Variants in HIC2 observed in about 807,000 individuals in gnomAD.
HIC2 encodes the protein HIC ZBTB transcriptional repressor 2, also known as hypermethylated in cancer 2 protein.
A neutral mutation model predicts 39.5 loss-of-function variants in HIC2; 2 were observed. The ratio of observed to expected loss-of-function variants is 0.05; its 90% CI spans 0.02 to 0.16. The LOEUF (loss-of-function observed/expected upper bound fraction) is 0.16, where lower values mean the gene tolerates loss of function less well. Among genes scored for constraint, HIC2 ranks in the 10% least tolerant of loss-of-function variants. The pLI, the probability that HIC2 is intolerant of heterozygous loss-of-function variation, is 1.00. For synonymous variants in HIC2, 399 were observed against 368.8 expected, an observed-to-expected ratio of 1.08 and a Z score of -0.94; for missense variants, 713 against 863.5, an observed-to-expected ratio of 0.83 and a Z score of 2.18.
At chr22:21,432,611 G>C (rs2148335826) in intron 1 of HIC2, among the ~76,000 whole-genome samples, 1 of 129,236 alleles carries the variant, frequency 7.7e-6, no homozygotes, top group South Asian at 2.6e-4. Flanking sequence ...GGGAGGCGGA[G>C]GTTGCGGTGA....
Position 21,446,028 on chromosome 22 carries a change from T to C in HIC2, c.1133T>C (p.Leu378Pro). ...GVGDRVPNGILASGAGPSGPY... is the reference protein window; with the variant it reads ...GVGDRVPNGIPASGAGPSGPY... ...GGGGACAGGGTTCCCAATGGCATCCTGGCTAGTGGGGCTGGCCCTAGCGGG... is the reference window on the plus strand; with the variant it reads ...GGGGACAGGGTTCCCAATGGCATCCCGGCTAGTGGGGCTGGCCCTAGCGGG... The change falls in exon 3 of 3, where the codon CTG becomes CCG. Residue 378 changes from leucine (L) to proline (P), a missense_variant. Coordinates refer to ENST00000407464, the MANE Select transcript of HIC2 (RefSeq NM_015094.3). 6.3e-7 allele frequency: 1 copy of C among 1,590,502 alleles called. No homozygotes were observed. Among genetic ancestry groups the C allele is most frequent in the East Asian group, 2.2e-5 (1 of 44,512 alleles).
rs558019593 is a variant in HIC2, at chr22:21,450,569, T to C, written c.*3826T>C. 1 of 152,992 alleles carries C rather than the reference T, an allele frequency of 6.5e-6. No homozygotes were observed. Among genetic ancestry groups the C allele is most frequent in the East Asian group, 1.9e-4 (1 of 5,260 alleles). 9.5% of individuals were successfully genotyped at this position (152,992 alleles called of 1,614,324 possible). On this transcript the variant is annotated 3_prime_UTR_variant, in exon 3 of 3. Coordinates refer to ENST00000407464, the MANE Select transcript of HIC2 (RefSeq NM_015094.3). Reference sequence around the variant, plus strand: ...GGGCAGGGCTCAGGGAGCAGGAGGCTGCATCCGTCCACCCCCAGGCGTGGG... The same window carrying C: ...GGGCAGGGCTCAGGGAGCAGGAGGCCGCATCCGTCCACCCCCAGGCGTGGG...
At position 21,445,988 on chromosome 22, in the gene HIC2, G is replaced by A. The variant is rs149799345; in HGVS notation, c.1093G>A (p.Glu365Lys). The change falls in exon 3 of 3, where the codon GAG (glutamate) becomes AAG (lysine). Residue 365 changes from glutamate to lysine, a missense_variant. Transcript: ENST00000407464. ...AGPKGPCPGE[E>K]GEGVGDRVPN... Reference sequence around the variant, plus strand: ...GCCCAAGGGTCCCTGCCCGGGAGAGGAGGGTGAGGGGGTCGGGGACAGGGT... The same window carrying A: ...GCCCAAGGGTCCCTGCCCGGGAGAGAAGGGTGAGGGGGTCGGGGACAGGGT... 2,167 of 1,564,602 alleles carry A rather than the reference G, an allele frequency of 1.4e-3. 21 individuals carry two copies. The highest frequency in any genetic ancestry group is 0.013 in the Middle Eastern group (76 of 5,802).
At position 21,445,761 on chromosome 22, in the gene HIC2, T is replaced by TTGCCAACAG. The variant is rs1172773167; in HGVS notation, c.871_879dup (p.Asn291_Ala293dup). ...CCCCCTGCGGCCTCTGCTCCTCCCG[T>TTGCCAACAG]TGCCAACAGTGCCTCTTATTCTGAG... On this transcript the variant is annotated inframe_insertion, in exon 3 of 3. Coordinates refer to ENST00000407464, the MANE Select transcript of HIC2 (RefSeq NM_015094.3). 1 of 1,609,228 alleles carries TTGCCAACAG rather than the reference T, an allele frequency of 6.2e-7. No individual in the cohort carries two copies. The highest frequency in any genetic ancestry group is 1.1e-5 in the South Asian group (1 of 90,574).
At chr22:21,425,653 A>G (rs1384059392) in intron 1 of HIC2, among the ~76,000 whole-genome samples, 25 of 67,090 alleles carry the variant, frequency 3.7e-4, no homozygotes, top group African/African-American at 8.2e-4. Flanking sequence ...CGATTCTCCT[A>G]CCCCAGCCTC....
At position 21,446,209 on chromosome 22, in the gene HIC2, G is replaced by A. The variant is rs747946463; in HGVS notation, c.1314G>A (p.Gly438=). ...RQEGYETVSY[G]DNLYVCIPCA... ...AGGGCTACGAGACGGTGTCCTACGG[G>A]GACAACTTGTATGTGTGCATTCCCT... Residue 438 remains glycine (G), a synonymous_variant, in exon 3 of 3, where the codon GGG becomes GGA. Coordinates refer to ENST00000407464, the MANE Select transcript of HIC2 (RefSeq NM_015094.3). The A allele has an allele frequency of 2.6e-5, 42 of 1,611,968 alleles. No homozygotes were observed. The highest frequency in any genetic ancestry group is 3.3e-5 in the Non-Finnish European group (39 of 1,180,018).
In HIC2 at chr22:21,445,926, C is replaced by T. The variant is rs1241899479; in HGVS notation, c.1031C>T (p.Pro344Leu). The change falls in exon 3 of 3, where the codon CCT (proline) becomes CTT (leucine). Residue 344 changes from proline to leucine, a missense_variant. Physicochemically the swap from Pro to Leu is moderately conservative, Grantham distance 98 (BLOSUM62 -3). Around this residue, in one of 5 missense-constraint regions of HIC2, gnomAD observed 457 missense variants for 420.2 expected, o/e 1.09. Transcript: ENST00000407464. ...AAGAAGGAGTGGGGCAAGAAGGAGC[C>T]TGTGGCTGGCTCCCCCTTTGAGCGG... is the stretch of plus-strand genomic sequence containing the variant. ...TRKKEWGKKE[P>L]VAGSPFERRE... 2 of 1,589,034 alleles carry T rather than the reference C, an allele frequency of 1.3e-6. No homozygotes were observed. Among genetic ancestry groups the T allele is most frequent in the Admixed American group, 1.8e-5 (1 of 54,916 alleles).
intron 1 of HIC2, among the ~76,000 whole-genome samples, chr22:21,441,266 A>AG (rs1285932926): frequency 1.1e-3 from 162 of 148,334 alleles, no homozygotes; most frequent in African/African-American, 3.6e-3. Context: ...TGGAGGGTTC[A>AG]GGGAGGAGCC....
At chr22:21,420,699 G>GTGT in intron 1 of HIC2, 1 of 19,036 alleles carries the variant, frequency 5.3e-5, no homozygotes, top group Middle Eastern at 0.012. Context: ...CTGAGGACGC[G>GTGT]GACCCACGGG....
chr22:21,418,965 G>GCCT (rs1163891003), intron 1 of HIC2, among the ~76,000 whole-genome samples: 10 of 132,316 alleles, frequency 7.6e-5, no homozygotes, highest in Non-Finnish European at 1.6e-4. Flanking sequence ...GGCATTTTCA[G>GCCT]GAGCACAGGC....
At position 21,417,501 on chromosome 22, in the gene HIC2, A is replaced by G. The variant is rs1222023997; in HGVS notation, c.-133A>G. On this transcript the variant is annotated 5_prime_UTR_variant, in exon 1 of 3. Transcript: ENST00000407464. ...GCGGCGCGAGCCGGGCGCTGAGGAC[A>G]AGGGCCGCTGGTAGGGCCGGCCGGC... 2 of 145,218 alleles carry G rather than the reference A, an allele frequency of 1.4e-5. No homozygotes were observed. Among genetic ancestry groups the G allele is most frequent in the Non-Finnish European group, 3.0e-5 (2 of 65,696 alleles). 9.0% of individuals were successfully genotyped at this position (145,218 alleles called of 1,614,324 possible). A position where few individuals can be genotyped will look rare whatever the true frequency, so the allele number is the denominator to read the frequency against.
rs1923893405 is a variant in HIC2 at position 21,447,125 on chromosome 22, C to G, written c.*382C>G. The G allele has an allele frequency of 8.1e-6, 2 of 247,270 alleles. No individual in the cohort carries two copies. The highest frequency in any genetic ancestry group is 1.6e-5 in the Non-Finnish European group (2 of 125,994). The allele number at this position is 247,270 out of a possible 1,614,324, so 15.3% of individuals were successfully genotyped here. On this transcript the variant is annotated 3_prime_UTR_variant, in exon 3 of 3. Coordinates refer to ENST00000407464, the MANE Select transcript of HIC2 (RefSeq NM_015094.3). ...GGTGGTGTCGGGAGCAGGCCTCACCCCGCTGGCCGTGTCTGTGTGTGTGCA... is the reference window on the plus strand; with the variant it reads ...GGTGGTGTCGGGAGCAGGCCTCACCGCGCTGGCCGTGTCTGTGTGTGTGCA...
chr22:21,444,785 G>T (rs1174111233), intron 2 of HIC2, 137 bp from the exon 3 acceptor site: 3 of 875,584 alleles, frequency 3.4e-6, no homozygotes, highest in East Asian at 5.1e-5. Context: ...TATGTGCCGT[G>T]TACTGTGCCG....
intron 1 of HIC2, among the ~76,000 whole-genome samples, chr22:21,421,704 G>A (rs1923080605): frequency 2.2e-5 from 2 of 92,874 alleles, no homozygotes; most frequent in Admixed American, 1.0e-4. Flanking sequence ...GCAGCGCATC[G>A]TAGGATCTTA....
In HIC2 at chr22:21,444,813, T is replaced by C. The variant is rs1923707899; in HGVS notation, c.27-109T>C. 6 of 1,242,342 alleles carry C rather than the reference T, an allele frequency of 4.8e-6. No individual in the cohort carries two copies. The South Asian group carries it at 5.8e-5, about 12-fold the overall frequency. 77.0% of individuals were successfully genotyped at this position (1,242,342 alleles called of 1,614,324 possible). A position where few individuals can be genotyped will look rare whatever the true frequency, so the allele number is the denominator to read the frequency against. On this transcript the variant is annotated intron_variant, in intron 2 of 2. Coordinates refer to ENST00000407464, the MANE Select transcript of HIC2 (RefSeq NM_015094.3). ...CTGTGCCGCAGGGGCTCCTGCCCTA[T>C]GTGGGGTCAGTTCTGAGGCCCTTTG...
At chr22:21,423,765 G>GAGGACTC (rs1923143988) in intron 1 of HIC2, among the ~76,000 whole-genome samples, 3 of 96,510 alleles carry the variant, frequency 3.1e-5, no homozygotes, top group Non-Finnish European at 6.1e-5. Context: ...TCTGCGCAGT[G>GAGGACTC]CTTGGGCTGG....
intron 1 of HIC2, among the ~76,000 whole-genome samples, chr22:21,436,330 G>C (rs1923412422): frequency 6.6e-6 from 1 of 151,028 alleles, no homozygotes; most frequent in African/African-American, 2.4e-5. Flanking sequence ...AGAAGGGACA[G>C]TACCCATGGG....
At chr22:21,417,858 TCGGCGGGCGAGCGGGCGC>T (rs1922939804) in intron 1 of HIC2, among the ~76,000 whole-genome samples, 1 of 143,138 alleles carries the variant, frequency 7.0e-6, no homozygotes, top group Admixed American at 6.9e-5. Context: ...GGAGCGGGGG[TCGGCGGGCGAGCGGGCGC>T]CGGCTCTTTG....
intron 1 of HIC2, among the ~76,000 whole-genome samples, chr22:21,438,132 C>A (rs1923462807): frequency 6.6e-6 from 1 of 152,208 alleles, no homozygotes; most frequent in Non-Finnish European, 1.5e-5. Flanking sequence ...CTCCCCAGGC[C>A]TCCCTCCTGG....
Sources: allele counts gnomAD v4.1 joint callset (sites outside exome capture counted in the v4.1 genomes callset), GRCh38; gene constraint gnomAD v4.1.1; regional missense constraint gnomAD v4.1.1; transcripts MANE v1.5; gene names NCBI Gene and HGNC (gene_info 2026-07-23, HGNC 2026-07-21).